CYFIP2: variants seen among roughly 807,000 people sequenced by gnomAD.
The protein encoded by CYFIP2 is cytoplasmic FMR1-interacting protein 2.
Under a neutral mutation model 158.7 loss-of-function variants are expected in CYFIP2, and 29 were observed. That is an observed-to-expected ratio of 0.18 (90% CI 0.14 to 0.25). The LOEUF (loss-of-function observed/expected upper bound fraction) is 0.25, where lower values mean the gene tolerates loss of function less well. Ranked by LOEUF, CYFIP2 falls within the 10% of genes least tolerant of loss-of-function variation. The probability of loss-of-function intolerance (pLI) is 1.00; values close to 1 mark genes in which losing one functional copy is unlikely to be tolerated. For missense variants in CYFIP2, 852 were observed against 1,639.5 expected, an observed-to-expected ratio of 0.52 and a Z score of 8.29; for synonymous variants, 585 against 617.6, an observed-to-expected ratio of 0.95 and a Z score of 0.78.
chr5:157,279,503 G>C (rs1756822604), intron 1 of CYFIP2, among the ~76,000 whole-genome samples: 1 of 152,194 alleles, frequency 6.6e-6, no homozygotes, highest in African/African-American at 2.4e-5. Flanking sequence ...CTGCATTTAT[G>C]GGACCCACCC....
At chr5:157,320,936 G>A (rs1417016737) in intron 15 of CYFIP2, 134 bp downstream of exon 15, 15 of 1,114,036 alleles carry the variant, frequency 1.3e-5, no homozygotes, top group African/African-American at 9.7e-5. Context: ...TGGCTGCTCC[G>A]GTCTTATTCT....
At chr5:157,354,283 A>C (rs989733954) in intron 23 of CYFIP2, among the ~76,000 whole-genome samples, 1 of 152,198 alleles carries the variant, frequency 6.6e-6, no homozygotes, top group Non-Finnish European at 1.5e-5. Flanking sequence ...CATCCTAACC[A>C]GGCAGGATAC....
intron 8 of CYFIP2, among the ~76,000 whole-genome samples, chr5:157,306,120 G>A (rs147111712): frequency 2.4e-3 from 371 of 152,254 alleles, no homozygotes; most frequent in African/African-American, 8.5e-3. Flanking sequence ...ACCTCTCAAT[G>A]TTCTGGTGGT....
At chr5:157,368,511 G>A (rs1234809191) in intron 26 of CYFIP2, among the ~76,000 whole-genome samples, 1 of 152,158 alleles carries the variant, frequency 6.6e-6, no homozygotes, top group Non-Finnish European at 1.5e-5. Context: ...AATGCCTCTG[G>A]CCTTTCTGTA....
At chr5:157,343,672 T>C (rs866133568) in intron 23 of CYFIP2, 4 of 775,668 alleles carry the variant, frequency 5.2e-6, no homozygotes, top group Middle Eastern at 3.3e-4. Flanking sequence ...GACAAAGAAA[T>C]GGAGGCCGAG....
intron 23 of CYFIP2, among the ~76,000 whole-genome samples, chr5:157,358,787 A>G (rs1763594132): frequency 6.6e-6 from 1 of 152,210 alleles, no homozygotes; most frequent in South Asian, 2.1e-4. Context: ...CTCTTCTGCT[A>G]GGGAGTGGCT....
chr5:157,356,561 C>T (rs576675667), intron 23 of CYFIP2, among the ~76,000 whole-genome samples: 151 of 152,164 alleles, frequency 9.9e-4, no homozygotes, highest in African/African-American at 3.2e-3. Flanking sequence ...TTTCCATCAC[C>T]CTAGGAAGTC....
At chr5:157,323,749 C>T (rs1760794644) in intron 15 of CYFIP2, among the ~76,000 whole-genome samples, 172 bp from the exon 16 acceptor site, 1 of 152,180 alleles carries the variant, frequency 6.6e-6, no homozygotes, top group Non-Finnish European at 1.5e-5. Flanking sequence ...TGAAGGTTTT[C>T]ACAGTTCCAC....
intron 23 of CYFIP2, chr5:157,343,038 C>A (rs1762397538): frequency 6.2e-7 from 1 of 1,614,116 alleles, no homozygotes; most frequent in Non-Finnish European, 8.5e-7. Flanking sequence ...TGACCAAGAT[C>A]CGGGGCCTCC....
chr5:157,333,533 G>A (rs1395934403), intron 21 of CYFIP2, 87 bp downstream of exon 21: 39 of 1,581,130 alleles, frequency 2.5e-5, no homozygotes, highest in Non-Finnish European at 3.1e-5. Flanking sequence ...TCTAGTGCTG[G>A]GCCAGTTAAA....
intron 29 of CYFIP2, among the ~76,000 whole-genome samples, chr5:157,389,786 G>GA (rs1767085299): frequency 6.6e-6 from 1 of 152,166 alleles, no homozygotes; most frequent in Admixed American, 6.5e-5. Flanking sequence ...AGAGCTCTAG[G>GA]AAAAAGGCGT....
chr5:157,383,151 C>A, intron 27 of CYFIP2, 114 bp from the exon 28 acceptor site: 1 of 869,932 alleles, frequency 1.1e-6, no homozygotes, highest in Non-Finnish European at 1.9e-6. Flanking sequence ...GTTCCACACA[C>A]TCCATCCCAT....
chr5:157,323,473 A>G (rs1184564529), intron 15 of CYFIP2, among the ~76,000 whole-genome samples: 2 of 152,158 alleles, frequency 1.3e-5, no homozygotes, highest in African/African-American at 4.8e-5. Flanking sequence ...ACATGAGACA[A>G]CTGAGGCCCA....
chr5:157,300,910 C>T lies in CYFIP2; in HGVS notation c.569+14C>T. ...TGCCTACAAGAGGTCAGGGCAACCT[C>T]CCCCTCTCCCCTTTCCCCATCCAGG... On this transcript the variant is annotated intron_variant, in intron 6 of 30. Transcript: ENST00000620254. The T allele has an allele frequency of 6.5e-7, 1 of 1,531,800 alleles. No homozygotes were observed. The highest frequency in any genetic ancestry group is 8.8e-7 in the Non-Finnish European group (1 of 1,131,408). The allele number at this position is 1,531,800 out of a possible 1,614,324, so 94.9% of individuals were successfully genotyped here.
intron 23 of CYFIP2, chr5:157,345,590 A>G (rs1380018302): frequency 6.6e-6 from 1 of 152,648 alleles, no homozygotes; most frequent in Non-Finnish European, 1.5e-5. Context: ...GAGGTGCAGT[A>G]GATTAAAGCT....
intron 23 of CYFIP2, among the ~76,000 whole-genome samples, chr5:157,357,843 G>GA (rs1229291690): frequency 6.6e-6 from 1 of 151,452 alleles, no homozygotes; most frequent in Non-Finnish European, 1.5e-5. Flanking sequence ...AAAAAACAAA[G>GA]AAAAAAACCT....
At chr5:157,377,008 G>T (rs112237687) in intron 26 of CYFIP2, 2 of 398,434 alleles carry the variant, frequency 5.0e-6, no homozygotes, top group Non-Finnish European at 1.0e-5. Flanking sequence ...GCCCTGGGCA[G>T]GGGTCCTTTT....
intron 6 of CYFIP2, among the ~76,000 whole-genome samples, 166 bp from the exon 7 acceptor site, chr5:157,302,628 C>T (rs1758866674): frequency 6.6e-6 from 1 of 152,138 alleles, no homozygotes; most frequent in African/African-American, 2.4e-5. Flanking sequence ...CAAATGACTT[C>T]AGAACACACT....
At chr5:157,316,585 G>A (rs1760166889) in intron 13 of CYFIP2, among the ~76,000 whole-genome samples, 2 of 152,190 alleles carry the variant, frequency 1.3e-5, no homozygotes, top group African/African-American at 4.8e-5. Flanking sequence ...TAGGTTGTGA[G>A]TGACAGCTAT....
Sources: gnomAD v4.1 joint callset for allele counts (sites outside exome capture counted in the v4.1 genomes callset) on GRCh38, gnomAD v4.1.1 for gene constraint, MANE v1.5 for transcripts, NCBI Gene and HGNC (gene_info 2026-07-23, HGNC 2026-07-21) for gene names.